Variants in MAOB observed in about 807,000 individuals in gnomAD.
MAOB encodes monoamine oxidase B.
MAOB carries 15 observed loss-of-function variants against 41.9 expected under a neutral mutation model. That is an observed-to-expected ratio of 0.36 (90% CI 0.24 to 0.55). The LOEUF (loss-of-function observed/expected upper bound fraction) is 0.55. MAOB is among the 20% of genes least tolerant of loss of function. MAOB has a pLI of 0.86. For synonymous variants in MAOB, 167 were observed against 144.2 expected (o/e 1.16, Z -1.13); for missense variants, 345 against 398.7 (o/e 0.87, Z 1.15).
chrX:43,882,130 C>G (rs990717553), intron 1 of MAOB, 124 bp downstream of exon 1: 9 of 1,087,921 alleles, frequency 8.3e-6, no homozygotes, highest in Non-Finnish European at 9.6e-6. Flanking sequence ...GAGCCCTGCC[C>G]GTGCGTGGAC....
chrX:43,812,788 G>T (rs2034764923), intron 3 of MAOB, among the ~76,000 whole-genome samples: 1 of 112,597 alleles, frequency 8.9e-6, no homozygotes, highest in South Asian at 3.6e-4. Flanking sequence ...CTGGAGTGAG[G>T]TGCAGACAAT....
At chrX:43,869,124 G>T (rs1260582854) in intron 1 of MAOB, among the ~76,000 whole-genome samples, 1 of 111,411 alleles carries the variant, frequency 9.0e-6, no homozygotes, top group Non-Finnish European at 1.9e-5. Flanking sequence ...TTCAGTCAGA[G>T]AACAGAATTC....
intron 4 of MAOB, among the ~76,000 whole-genome samples, 178 bp from the exon 5 acceptor site, chrX:43,802,441 A>T (rs893867039): frequency 8.9e-6 from 1 of 112,279 alleles, no homozygotes. Context: ...TGCATAATCA[A>T]TGCTGTCTAT....
At chrX:43,781,664 A>T (rs1035430906) in intron 8 of MAOB, 120 bp from the exon 9 acceptor site, 2 of 372,917 alleles carry the variant, frequency 5.4e-6, no homozygotes, top group Admixed American at 5.2e-5. Context: ...AGCATGTTAT[A>T]CTCCAAACAT....
At chrX:43,862,139 A>G (rs945787231) in intron 1 of MAOB, among the ~76,000 whole-genome samples, 6 of 112,220 alleles carry the variant, frequency 5.3e-5, no homozygotes, top group African/African-American at 1.9e-4. Context: ...CCACAGTTGC[A>G]AAATTACAAC....
chrX:43,857,145 AGAGAGAGAGAGAGAGAG>A (rs1160347737), intron 1 of MAOB, among the ~76,000 whole-genome samples: 34 of 62,789 alleles, frequency 5.4e-4, no homozygotes, highest in African/African-American at 1.8e-3. Context: ...AGAGAGAGAG[AGAGAGAGAGAGAGAGAG>A]AGAAGAAGAG....
chrX:43,785,170 T>C (rs2034383974), intron 8 of MAOB, among the ~76,000 whole-genome samples: 1 of 112,840 alleles, frequency 8.9e-6, no homozygotes, highest in Non-Finnish European at 1.9e-5. Flanking sequence ...AACAAGACAA[T>C]CTGTTGTTTA....
chrX:43,844,438 A>G (rs1432444251), intron 1 of MAOB: 1 of 112,250 alleles, frequency 8.9e-6, no homozygotes, highest in Non-Finnish European at 1.9e-5. Context: ...AGGTAAATGT[A>G]CATGCAATAA....
At chrX:43,833,820 G>A (rs2035043897) in intron 3 of MAOB, among the ~76,000 whole-genome samples, 1 of 111,623 alleles carries the variant, frequency 9.0e-6, no homozygotes, top group African/African-American at 3.3e-5. Context: ...AACCTTGGAG[G>A]CGGAAAATGA....
intron 8 of MAOB, among the ~76,000 whole-genome samples, chrX:43,791,361 C>T (rs1266636032): frequency 2.7e-5 from 3 of 111,778 alleles, no homozygotes; most frequent in Non-Finnish European, 5.6e-5. Context: ...GATACTGACT[C>T]TTCTTACATG....
intron 1 of MAOB, among the ~76,000 whole-genome samples, chrX:43,857,110 TATATATAGAGAGAG>T (rs1461689623): frequency 1.1e-3 from 21 of 19,798 alleles, no homozygotes; most frequent in African/African-American, 3.8e-3. Context: ...TATATATATA[TATATATAGAGAGAG>T]AGAGAGAGAG....
chrX:43,786,276 C>G (rs1480558101), intron 8 of MAOB, among the ~76,000 whole-genome samples: 1 of 111,919 alleles, frequency 8.9e-6, no homozygotes, highest in Non-Finnish European at 1.9e-5. Context: ...TTGTGGAAGA[C>G]TCAGCGGCAA....
chrX:43,865,145 C>T (rs1202276725), intron 1 of MAOB, among the ~76,000 whole-genome samples: 2 of 112,043 alleles, frequency 1.8e-5, no homozygotes, highest in Admixed American at 1.9e-4. Context: ...GTGGAAACAA[C>T]CCAAATGTCC....
In MAOB at chrX:43,797,170, C is replaced by T. The variant is rs1569215338; in HGVS notation, c.573G>A (p.Gln191=). The T allele has an allele frequency of 1.7e-6, 2 of 1,208,797 alleles. No homozygotes were observed. The highest frequency in any genetic ancestry group is 2.2e-5 in the Admixed American group (1 of 45,946). The change falls in exon 6 of 15, where the codon CAG becomes CAA. Residue 191 remains glutamine (Q), a synonymous_variant. Transcript: ENST00000378069. ...SALWFLWYVK[Q]CGGTTRIIST... is the part of the protein sequence containing the mutation. ...AGATGATTCTTGTTGTGCCTCCACA[C>T]TGCTTCACATACCACAGGAACCAGA...
intron 2 of MAOB, among the ~76,000 whole-genome samples, chrX:43,840,172 G>A (rs886842235): frequency 9.8e-5 from 11 of 111,921 alleles, no homozygotes; most frequent in African/African-American, 3.3e-4. Flanking sequence ...TAGGTCAGGC[G>A]GTGTATGTCA....
chrX:43,774,273 T>C (rs1302445355), intron 12 of MAOB, among the ~76,000 whole-genome samples: 1 of 111,805 alleles, frequency 8.9e-6, no homozygotes, highest in Non-Finnish European at 1.9e-5. Flanking sequence ...ACTGCTATAT[T>C]ATTAGTTCAT....
chrX:43,808,495 G>A (rs1326461917), intron 3 of MAOB, among the ~76,000 whole-genome samples: 2 of 110,555 alleles, frequency 1.8e-5, no homozygotes, highest in Non-Finnish European at 3.8e-5. Context: ...AAAGACAATT[G>A]ATTCAGAAAG....
At chrX:43,770,411 C>A (rs1349274526) in intron 12 of MAOB, among the ~76,000 whole-genome samples, 5 of 111,539 alleles carry the variant, frequency 4.5e-5, no homozygotes, top group African/African-American at 1.6e-4. Flanking sequence ...TAATATATAT[C>A]CTGTCTGCTA....
chrX:43,772,652 C>T (rs2034199418), intron 12 of MAOB, among the ~76,000 whole-genome samples: 1 of 111,860 alleles, frequency 8.9e-6, no homozygotes, highest in African/African-American at 3.3e-5. Context: ...TCACCCATAG[C>T]CCATCTGATA....
Sources: allele counts gnomAD v4.1 joint callset (sites outside exome capture counted in the v4.1 genomes callset), GRCh38; gene constraint gnomAD v4.1.1; transcripts MANE v1.5; gene names NCBI Gene and HGNC (gene_info 2026-07-23, HGNC 2026-07-21).